ARHGAP20: variants seen among roughly 807,000 people sequenced by gnomAD.
The protein encoded by ARHGAP20 is rho GTPase-activating protein 20.
In ARHGAP20, 34 loss-of-function variants were observed where a neutral mutation model predicts 73.7. The ratio of observed to expected loss-of-function variants is 0.46; its 90% CI spans 0.35 to 0.61. ARHGAP20 has a LOEUF of 0.61. ARHGAP20 is among the 20% of genes least tolerant of loss of function. The probability of loss-of-function intolerance (pLI) is 0.00; values close to 1 mark genes in which losing one functional copy is unlikely to be tolerated. For missense variants in ARHGAP20, 1,314 were observed against 1,420.9 expected, an observed-to-expected ratio of 0.92 and a Z score of 1.21; for synonymous variants, 523 against 518.2, an observed-to-expected ratio of 1.01 and a Z score of -0.13.
intron 2 of ARHGAP20, among the ~76,000 whole-genome samples, chr11:110,670,930 A>G (rs1319995102): frequency 6.6e-6 from 1 of 152,074 alleles, no homozygotes; most frequent in Non-Finnish European, 1.5e-5. Context: ...CTAAGAAAAC[A>G]TGATGACTAA....
chr11:110,596,008 A>C (rs543245263), intron 9 of ARHGAP20, among the ~76,000 whole-genome samples: 108 of 152,278 alleles, frequency 7.1e-4, no homozygotes, highest in Non-Finnish European at 1.2e-3. Context: ...CAACTATCTG[A>C]TCTTTGACAA....
At chr11:110,671,403 T>C (rs115959054) in intron 2 of ARHGAP20, among the ~76,000 whole-genome samples, 2,790 of 152,176 alleles carry the variant, frequency 0.018, 80 homozygotes, top group African/African-American at 0.062. Flanking sequence ...TCATACTTAA[T>C]GGTGAAAGAC....
At chr11:110,700,580 CTTTT>C (rs1216968656) in intron 1 of ARHGAP20, among the ~76,000 whole-genome samples, 3 of 149,824 alleles carry the variant, frequency 2.0e-5, no homozygotes, top group East Asian at 1.9e-4. Context: ...TTTTTTCTTT[CTTTT>C]TTATTTTATT....
At chr11:110,603,245 C>T (rs1289709196) in intron 9 of ARHGAP20, among the ~76,000 whole-genome samples, 3 of 152,160 alleles carry the variant, frequency 2.0e-5, no homozygotes, top group Admixed American at 2.0e-4. Flanking sequence ...AATGGCTCAG[C>T]ACTGCTAGAG....
At chr11:110,614,962 G>C (rs990314327) in intron 5 of ARHGAP20, among the ~76,000 whole-genome samples, 2 of 152,136 alleles carry the variant, frequency 1.3e-5, no homozygotes, top group African/African-American at 4.8e-5. Context: ...TTACTGATAA[G>C]TATAGGAACA....
intron 2 of ARHGAP20, among the ~76,000 whole-genome samples, chr11:110,685,794 T>C (rs749839347): frequency 2.6e-4 from 40 of 152,238 alleles, no homozygotes; most frequent in Middle Eastern, 3.4e-3. Context: ...AAATCAAATA[T>C]AGATGTAATT....
chr11:110,657,469 G>GA, intron 2 of ARHGAP20, among the ~76,000 whole-genome samples: 1 of 151,980 alleles, frequency 6.6e-6, no homozygotes, highest in East Asian at 1.9e-4. Context: ...GCTTGAAGAG[G>GA]AAAAATAGGA....
At position 110,580,497 on chromosome 11, in the gene ARHGAP20, T is replaced by C; in HGVS notation, c.2449A>G (p.Asn817Asp). 2 of 1,614,056 alleles carry C rather than the reference T, an allele frequency of 1.2e-6. No homozygotes were observed. The highest frequency in any genetic ancestry group is 1.7e-6 in the Non-Finnish European group (2 of 1,179,992). Reference sequence around the variant, plus strand: ...GATGTATTCACATCAAAGGGCTGGTTCTTGGAATGATCCTGTGAGGACATA... The same window carrying C: ...GATGTATTCACATCAAAGGGCTGGTCCTTGGAATGATCCTGTGAGGACATA... ...SPMSSQDHSK[N>D]QPFDVNTSGY... Residue 817 changes from asparagine to aspartate, a missense_variant, in exon 15 of 15, where the codon AAC becomes GAC. Around this residue, in one of 3 missense-constraint regions of ARHGAP20, gnomAD observed 641 missense variants for 636.9 expected, o/e 1.01. Transcript: ENST00000683387.
chr11:110,708,819 CGT>C (rs1491399396), intron 1 of ARHGAP20, among the ~76,000 whole-genome samples: 2 of 151,964 alleles, frequency 1.3e-5, no homozygotes, highest in Non-Finnish European at 2.9e-5. Flanking sequence ...TTTTCACAAG[CGT>C]ATATATATGT....
At chr11:110,647,631 C>A (rs182273224) in intron 2 of ARHGAP20, among the ~76,000 whole-genome samples, 7 of 151,958 alleles carry the variant, frequency 4.6e-5, no homozygotes, top group Admixed American at 3.9e-4. Context: ...TCAAAGCCTA[C>A]TCAATTTTTG....
At chr11:110,706,235 T>C (rs575579846) in intron 1 of ARHGAP20, among the ~76,000 whole-genome samples, 1 of 152,290 alleles carries the variant, frequency 6.6e-6, no homozygotes, top group South Asian at 2.1e-4. Context: ...AATGCAGTGA[T>C]AGTCTCGTTG....
chr11:110,680,778 A>G (rs1950022826), intron 2 of ARHGAP20, among the ~76,000 whole-genome samples: 1 of 152,188 alleles, frequency 6.6e-6, no homozygotes, highest in African/African-American at 2.4e-5. Flanking sequence ...AGCACACTGC[A>G]CCACAAACAG....
intron 11 of ARHGAP20, among the ~76,000 whole-genome samples, chr11:110,590,301 G>A (rs1176377271): frequency 6.6e-6 from 1 of 152,202 alleles, no homozygotes; most frequent in Non-Finnish European, 1.5e-5. Context: ...GGTAGTAAGA[G>A]AGTGAGGAAA....
At chr11:110,670,725 A>T (rs185220880) in intron 2 of ARHGAP20, among the ~76,000 whole-genome samples, 2 of 152,206 alleles carry the variant, frequency 1.3e-5, no homozygotes, top group Admixed American at 1.3e-4. Flanking sequence ...CAGACAAGAT[A>T]ATACAGGAAA....
At chr11:110,600,141 G>A (rs1591306843) in intron 9 of ARHGAP20, among the ~76,000 whole-genome samples, 1 of 152,234 alleles carries the variant, frequency 6.6e-6, no homozygotes, top group South Asian at 2.1e-4. Flanking sequence ...CTTCAGATCC[G>A]CTGAATGGTG....
intron 2 of ARHGAP20, among the ~76,000 whole-genome samples, chr11:110,644,601 T>C (rs1300574680): frequency 1.3e-5 from 2 of 152,238 alleles, no homozygotes; most frequent in East Asian, 1.9e-4. Flanking sequence ...TATCCATATG[T>C]AGAATAAAAC....
At chr11:110,602,047 G>A (rs1053727877) in intron 9 of ARHGAP20, among the ~76,000 whole-genome samples, 1 of 151,676 alleles carries the variant, frequency 6.6e-6, no homozygotes, top group Non-Finnish European at 1.5e-5. Flanking sequence ...ACTCATTCAC[G>A]TAATGTCTAT....
chr11:110,630,866 AT>A (rs1411106558), intron 2 of ARHGAP20, 74 bp from the exon 3 acceptor site: 62 of 1,473,034 alleles, frequency 4.2e-5, no homozygotes, highest in Admixed American at 2.9e-4. Flanking sequence ...AAATTCTGTA[AT>A]TTTTTTTAAT....
rs545832591 is a variant in ARHGAP20 at position 110,579,068 on chromosome 11, G to A, written c.*302C>T. 4.0e-5 allele frequency: 41 copies of A among 1,028,910 alleles called. No homozygotes were observed. The African/African-American group carries it at 6.4e-4, about 16-fold the overall frequency. The allele number at this position is 1,028,910 out of a possible 1,614,324, so 63.7% of individuals were successfully genotyped here. A position where few individuals can be genotyped will look rare whatever the true frequency, so the allele number is the denominator to read the frequency against. On this transcript the variant is annotated 3_prime_UTR_variant, in exon 15 of 15. Transcript: ENST00000683387. ...TCAATCTCACAGACTGTTCCCATAAGTGCTTCCTCTGCAGAAGATGCTTTC... is the reference window on the plus strand; with the variant it reads ...TCAATCTCACAGACTGTTCCCATAAATGCTTCCTCTGCAGAAGATGCTTTC...
Sources: allele counts gnomAD v4.1 joint callset (sites outside exome capture counted in the v4.1 genomes callset), GRCh38; gene constraint gnomAD v4.1.1; regional missense constraint gnomAD v4.1.1; transcripts MANE v1.5; gene names NCBI Gene and HGNC (gene_info 2026-07-23, HGNC 2026-07-21).